The following RAB3C variants were observed in gnomAD, a reference collection of about 807,000 sequenced individuals.
RAB3C encodes the protein ras-related protein Rab-3C.
In RAB3C, 17 loss-of-function variants were observed where a neutral mutation model predicts 26.4. The observed-to-expected ratio is 0.64, with a 90% CI of 0.44 to 0.97. The LOEUF is 0.97. Among genes scored for constraint, RAB3C ranks in the 50% least tolerant of loss-of-function variants. The pLI is 0.00. For synonymous variants in RAB3C, 91 were observed against 95.9 expected (o/e 0.95, Z 0.30); for missense variants, 242 against 281.9 (o/e 0.86, Z 1.01).
chr5:58,628,543 G>GC (rs1392279225), intron 2 of RAB3C, among the ~76,000 whole-genome samples: 3 of 152,126 alleles, frequency 2.0e-5, no homozygotes, highest in African/African-American at 7.2e-5. Context: ...CATGGAAGGG[G>GC]CCACAGATGC....
Position 58,615,985 on chromosome 5 carries a change from G to GACACACACACAC in RAB3C, c.25-1643_25-1632dup, listed in dbSNP as rs58004467. 8.1e-3 allele frequency among the ~76,000 whole-genome samples: 1,205 copies of GACACACACACAC among 149,636 alleles called. 4 individuals carry two copies. The highest frequency in any genetic ancestry group is 0.013 in the South Asian group (63 of 4,714). On this transcript the variant is annotated intron_variant, in intron 1 of 4. Coordinates refer to ENST00000282878, the MANE Select transcript of RAB3C (RefSeq NM_138453.4). Reference sequence around the variant, plus strand: ...GTAAACATACGTGTACACACACACAGACACACACACACACACACACACACA... The same window carrying GACACACACACAC: ...GTAAACATACGTGTACACACACACAGACACACACACACACACACACACACACACACACACACA...
intron 1 of RAB3C, among the ~76,000 whole-genome samples, chr5:58,587,956 A>T (rs758117446): frequency 6.6e-6 from 1 of 152,138 alleles, no homozygotes; most frequent in Non-Finnish European, 1.5e-5. Context: ...ACAAAAAAAT[A>T]TGTTCTTGTT....
chr5:58,742,967 A>G (rs1334987959), intron 3 of RAB3C, among the ~76,000 whole-genome samples: 2 of 152,150 alleles, frequency 1.3e-5, no homozygotes, highest in African/African-American at 4.8e-5. Context: ...AAAGGAGTGC[A>G]TGTTACAGCA....
At chr5:58,590,752 C>T (rs1427880056) in intron 1 of RAB3C, among the ~76,000 whole-genome samples, 1 of 152,112 alleles carries the variant, frequency 6.6e-6, no homozygotes, top group Non-Finnish European at 1.5e-5. Flanking sequence ...ACCATGTTGG[C>T]CAGGCTGGTC....
chr5:58,628,680 CGG>C (rs386688359), intron 2 of RAB3C, among the ~76,000 whole-genome samples: 1 of 151,268 alleles, frequency 6.6e-6, no homozygotes, highest in African/African-American at 2.4e-5. Context: ...ACTTAGTCCC[CGG>C]AGCACAGGGT....
chr5:58,587,236 C>G (rs1746031565), intron 1 of RAB3C, among the ~76,000 whole-genome samples: 3 of 152,160 alleles, frequency 2.0e-5, no homozygotes, highest in Non-Finnish European at 4.4e-5. Context: ...TAAGCTTATA[C>G]TGGAATTGGC....
chr5:58,685,543 C>G (rs1349539887), intron 2 of RAB3C, among the ~76,000 whole-genome samples: 1 of 152,076 alleles, frequency 6.6e-6, no homozygotes, highest in Non-Finnish European at 1.5e-5. Context: ...CAAATAAGAC[C>G]ACATATTCAT....
intron 3 of RAB3C, among the ~76,000 whole-genome samples, chr5:58,819,727 A>C (rs535436302): frequency 0.037 from 5,568 of 152,178 alleles, 136 homozygotes; most frequent in Non-Finnish European, 0.058. Flanking sequence ...AAAAATAAAA[A>C]AATTAGCGGG....
At position 58,616,890 on chromosome 5, in the gene RAB3C, T is replaced by G. The variant is rs139385620; in HGVS notation, c.25-753T>G. 2.6e-3 allele frequency among the ~76,000 whole-genome samples: 393 copies of G among 152,210 alleles called. 3 individuals carry two copies. The highest frequency in any genetic ancestry group is 0.015 in the East Asian group (76 of 5,172). The stretch of plus-strand genomic sequence containing the variant: ...TCGTCATTTGGAAGTAGGGCAGGTG[T>G]CAAGAACATGAGCCCTGGCACCACA... On this transcript the variant is annotated intron_variant, in intron 1 of 4. Transcript: ENST00000282878.
At chr5:58,705,367 C>A (rs1006406217) in intron 2 of RAB3C, among the ~76,000 whole-genome samples, 3 of 152,116 alleles carry the variant, frequency 2.0e-5, no homozygotes, top group African/African-American at 7.2e-5. Flanking sequence ...GAACTAGATT[C>A]TTCTGTCTTA....
chr5:58,736,660 T>G (rs1741143556), intron 3 of RAB3C, among the ~76,000 whole-genome samples: 2 of 152,206 alleles, frequency 1.3e-5, no homozygotes, highest in Admixed American at 6.5e-5. Flanking sequence ...TGTGTCCAAA[T>G]TTCTTCTTTT....
At chr5:58,809,688 C>G (rs1020926809) in intron 3 of RAB3C, among the ~76,000 whole-genome samples, 5 of 152,134 alleles carry the variant, frequency 3.3e-5, no homozygotes, top group African/African-American at 1.2e-4. Flanking sequence ...TGGGTGCCCC[C>G]CTGACACACA....
intron 2 of RAB3C, among the ~76,000 whole-genome samples, chr5:58,656,003 T>G (rs1747764014): frequency 6.6e-6 from 1 of 151,980 alleles, no homozygotes; most frequent in African/African-American, 2.4e-5. Flanking sequence ...TTCACCGTGG[T>G]CTCGATCTCC....
intron 2 of RAB3C, among the ~76,000 whole-genome samples, chr5:58,690,204 A>G (rs191427056): frequency 1.3e-5 from 2 of 152,290 alleles, no homozygotes; most frequent in East Asian, 1.9e-4. Flanking sequence ...TTCTATAGCC[A>G]TTTGAGATGG....
chr5:58,738,037 T>A (rs1741189687), intron 3 of RAB3C, among the ~76,000 whole-genome samples: 1 of 152,232 alleles, frequency 6.6e-6, no homozygotes, highest in South Asian at 2.1e-4. Flanking sequence ...TTAGTGCCAA[T>A]GAAGTACAGC....
At chr5:58,845,612 A>ATATATATATATATGTGTGTGTGTGTG in intron 4 of RAB3C, among the ~76,000 whole-genome samples, 939 of 80,858 alleles carry the variant, frequency 0.012, 12 homozygotes, top group Admixed American at 0.02. Context: ...ATATATATAT[A>ATATATATATATATGTGTGTGTGTGTG]TGTGTGTGTG....
chr5:58,709,553 G>A (rs1327303820), intron 2 of RAB3C, among the ~76,000 whole-genome samples: 3 of 152,190 alleles, frequency 2.0e-5, no homozygotes, highest in Non-Finnish European at 4.4e-5. Flanking sequence ...CATTTCCCAT[G>A]CTGTATGCTC....
chr5:58,830,650 C>T (rs181274724), intron 4 of RAB3C, among the ~76,000 whole-genome samples: 8 of 152,290 alleles, frequency 5.3e-5, no homozygotes, highest in South Asian at 2.1e-4. Flanking sequence ...CCTTGTCTCT[C>T]ACTGCCAACC....
intron 2 of RAB3C, among the ~76,000 whole-genome samples, chr5:58,620,076 C>T (rs1746903574): frequency 6.6e-6 from 1 of 151,756 alleles, no homozygotes; most frequent in Admixed American, 6.6e-5. Context: ...CTACTAGTTT[C>T]TTATTAAAAA....
Sources: allele counts gnomAD v4.1 joint callset (sites outside exome capture counted in the v4.1 genomes callset), GRCh38; gene constraint gnomAD v4.1.1; transcripts MANE v1.5; gene names NCBI Gene and HGNC (gene_info 2026-07-23, HGNC 2026-07-21).